Variants in C10orf53 observed in about 807,000 individuals in gnomAD.
The protein encoded by C10orf53 is chromosome 10 open reading frame 53, also known as UPF0728 protein C10orf53.
In C10orf53, 8 loss-of-function variants were observed where a neutral mutation model predicts 9.4. The ratio of observed to expected loss-of-function variants is 0.85; its 90% CI spans 0.50 to 1.53. C10orf53 has a LOEUF of 1.53. Among genes scored for constraint, C10orf53 ranks in the 40% most tolerant of loss-of-function variants. The pLI is 0.00. For synonymous variants in C10orf53, 48 were observed against 46.0 expected, an observed-to-expected ratio of 1.04 and a Z score of -0.18; for missense variants, 117 against 117.8, an observed-to-expected ratio of 0.99 and a Z score of 0.03.
chr10:49,692,493 C>A (rs1840594268), intron 1 of C10orf53, among the ~76,000 whole-genome samples: 1 of 152,210 alleles, frequency 6.6e-6, no homozygotes, highest in Admixed American at 6.5e-5. Flanking sequence ...TAATTAAATG[C>A]AATTAACTGA....
At chr10:49,693,024 A>C (rs556877923) in intron 1 of C10orf53, among the ~76,000 whole-genome samples, 1 of 152,342 alleles carries the variant, frequency 6.6e-6, no homozygotes, top group South Asian at 2.1e-4. Flanking sequence ...CCTTACATAC[A>C]TATTTGAATT....
At chr10:49,701,924 G>A (rs971675440), downstream of C10orf53, among the ~76,000 whole-genome samples, 14 of 152,150 alleles carry the variant, frequency 9.2e-5, no homozygotes, top group African/African-American at 1.4e-4. Context: ...GTGGTTGGCC[G>A]GGCGTGGTGG....
intron 1 of C10orf53, 25 bp downstream of exon 1, chr10:49,679,819 C>G (rs1840462484): frequency 6.6e-7 from 1 of 1,518,458 alleles, no homozygotes; most frequent in African/African-American, 1.4e-5. Context: ...CGCGTGCGCC[C>G]CTGAGGGCCC....
downstream of C10orf53, among the ~76,000 whole-genome samples, chr10:49,698,176 G>A (rs1315329747): frequency 2.0e-5 from 3 of 152,182 alleles, no homozygotes; most frequent in African/African-American, 7.2e-5. Context: ...TGTAGTCCCA[G>A]CTATTTGGTA....
intron 1 of C10orf53, among the ~76,000 whole-genome samples, chr10:49,689,327 T>G (rs1302535489): frequency 6.6e-6 from 1 of 152,118 alleles, no homozygotes; most frequent in Non-Finnish European, 1.5e-5. Flanking sequence ...GGCTCCAAAC[T>G]ATTGAGTAGA....
chr10:49,685,744 C>A (rs193270516), intron 1 of C10orf53, among the ~76,000 whole-genome samples: 1 of 152,268 alleles, frequency 6.6e-6, no homozygotes, highest in East Asian at 1.9e-4. Flanking sequence ...TCATTTCTTT[C>A]TCACTGCTTT....
intron 1 of C10orf53, among the ~76,000 whole-genome samples, chr10:49,684,884 C>T (rs3915809): frequency 0.14 from 20,599 of 152,064 alleles, 1,669 homozygotes; most frequent in African/African-American, 0.21. Context: ...ACTCCTAATA[C>T]TATGTTAAAT....
downstream of C10orf53, among the ~76,000 whole-genome samples, chr10:49,700,639 C>G (rs1198154680): frequency 1.3e-5 from 2 of 152,220 alleles, no homozygotes; most frequent in African/African-American, 2.4e-5. Flanking sequence ...CACAGCACCA[C>G]TGGAGCTGTG....
Position 49,695,805 on chromosome 10 carries a change from C to T in C10orf53, c.*1203C>T, listed in dbSNP as rs1840629422. 1 of 152,198 alleles carries T rather than the reference C, an allele frequency of 6.6e-6. No individual in the cohort carries two copies. Among genetic ancestry groups the T allele is most frequent in the Non-Finnish European group, 1.5e-5 (1 of 68,018 alleles). The allele number at this position is 152,198 out of a possible 1,614,324, so 9.4% of individuals were successfully genotyped here. ...ACTCTATGGAACTATTTAAGCATCTCCTTACTGAGAAACTGAGGCTCAAAA... is the reference window on the plus strand; with the variant it reads ...ACTCTATGGAACTATTTAAGCATCTTCTTACTGAGAAACTGAGGCTCAAAA... On this transcript the variant is annotated 3_prime_UTR_variant, in exon 3 of 3. Coordinates refer to ENST00000374111, the MANE Select transcript of C10orf53 (RefSeq NM_001042427.3).
chr10:49,693,781 G>A lies in C10orf53; in HGVS notation c.105G>A (p.Leu35=). 2 of 1,613,464 alleles carry A rather than the reference G, an allele frequency of 1.2e-6. No individual in the cohort carries two copies. Among genetic ancestry groups the A allele is most frequent in the Non-Finnish European group, 1.7e-6 (2 of 1,179,516 alleles). ...CTTTTCTTTCCTTCCCAGCTGTGTT[G>A]GCCATAGATGGACATGAGGTCATCC... ...TFRLQGLQAV[L]AIDGHEVILE... is the part of the protein sequence containing the mutation. The change falls in exon 2 of 3, where the codon TTG becomes TTA. Residue 35 remains leucine, a synonymous_variant. Transcript: ENST00000374111.
At position 49,697,493 on chromosome 10, in the gene C10orf53, C is replaced by T. The variant is rs1461764630; in HGVS notation, c.*2891C>T. Among the ~76,000 whole-genome samples the T allele has an allele frequency of 3.9e-5, 6 of 152,132 alleles. No individual in the cohort carries two copies. The East Asian group carries it at 5.8e-4, about 15-fold the overall frequency. On this transcript the variant is annotated 3_prime_UTR_variant, in exon 3 of 3. Coordinates refer to ENST00000374111, the MANE Select transcript of C10orf53 (RefSeq NM_001042427.3). ...GTTTTATAAGATGTCAAGTCAATGT[C>T]GTTATGATTAACATGTAAAGAAAGT...
chr10:49,688,657 A>G (rs1455495376), intron 1 of C10orf53, among the ~76,000 whole-genome samples: 2 of 112,428 alleles, frequency 1.8e-5, no homozygotes, highest in Non-Finnish European at 3.5e-5. Flanking sequence ...GCTTCTGCCT[A>G]TCCTCTCCCT....
intron 1 of C10orf53, among the ~76,000 whole-genome samples, chr10:49,688,613 C>T (rs1161724604): frequency 6.9e-6 from 1 of 145,518 alleles, no homozygotes; most frequent in Non-Finnish European, 1.5e-5. Flanking sequence ...CCTTATGGCC[C>T]CCCTGATCTC....
At position 49,694,809 on chromosome 10, in the gene C10orf53, A is replaced by G; in HGVS notation, c.*207A>G. ...CCACAGAAATAATAAAAACCACATC[A>G]TTTATAACATGTCTCAATCTCAACC... On this transcript the variant is annotated 3_prime_UTR_variant, in exon 3 of 3. Transcript: ENST00000374111. 7.2e-7 allele frequency: 1 copy of G among 1,384,844 alleles called. No individual in the cohort carries two copies. The highest frequency in any genetic ancestry group is 9.3e-7 in the Non-Finnish European group (1 of 1,072,032). 85.8% of individuals were successfully genotyped at this position (1,384,844 alleles called of 1,614,324 possible).
chr10:49,708,824 TC>T (rs1276547166), exon 3 of C10orf53: 2 of 683,976 alleles, frequency 2.9e-6, no homozygotes, highest in Admixed American at 3.0e-5. Flanking sequence ...ACAACTGTAT[TC>T]CCGTGTTGAA....
chr10:49,679,713 G>A lies in C10orf53; in HGVS notation c.16G>A (p.Val6Met), dbSNP rs901025591. The change falls in exon 1 of 3, where the codon GTG (valine) becomes ATG (methionine). Residue 6 changes from valine (V) to methionine (M), a missense_variant. Physicochemically the swap from Val to Met is conservative, Grantham distance 21 (BLOSUM62 1). Coordinates refer to ENST00000374111, the MANE Select transcript of C10orf53 (RefSeq NM_001042427.3). MPKNAVVILRYGPYSA... is the reference protein window; with the variant it reads MPKNAMVILRYGPYSA... ...AGGCCTGGCGATGCCCAAGAACGCA[G>A]TGGTCATCCTGCGCTATGGGCCCTA... The A allele has an allele frequency of 2.6e-6, 4 of 1,548,066 alleles. No homozygotes were observed. Among genetic ancestry groups the A allele is most frequent in the Non-Finnish European group, 3.5e-6 (4 of 1,145,894 alleles).
At position 49,708,500 on chromosome 10, in the gene C10orf53, AT is replaced by A; in HGVS notation, c.359del (p.Leu120TrpfsTer30). The A allele has an allele frequency of 6.2e-7, 1 of 1,614,166 alleles. No homozygotes were observed. The highest frequency in any genetic ancestry group is 8.5e-7 in the Non-Finnish European group (1 of 1,180,028). On this transcript the variant is annotated frameshift_variant, in exon 3 of 3. Coordinates refer to the C10orf53 transcript ENST00000374112. LOFTEE classifies it low-confidence loss of function (END_TRUNC). ...AGACCCAGGACCTGACTTGTACTGT[AT>A]TGGCCCAGATTGGATCATGTATCCA...
rs1358646958 is a variant in C10orf53, at chr10:49,683,672, C to A, written c.97+3878C>A. On this transcript the variant is annotated intron_variant, in intron 1 of 2. Transcript: ENST00000374111. ...GGTGGATCACTTGAACCCAGGAGTT[C>A]AAGACCAGCCTGGTTTGAAGTTCAA... 2.6e-5 allele frequency among the ~76,000 whole-genome samples: 4 copies of A among 152,074 alleles called. No homozygotes were observed. The East Asian group carries it at 7.7e-4, about 29-fold the overall frequency.
chr10:49,703,122 A>G (rs185227506), intron 2 of C10orf53, among the ~76,000 whole-genome samples: 1 of 152,112 alleles, frequency 6.6e-6, no homozygotes, highest in East Asian at 1.9e-4. Context: ...CAAGCTCAAC[A>G]AGGTCTTCTT....
Sources: allele counts gnomAD v4.1 joint callset (sites outside exome capture counted in the v4.1 genomes callset), GRCh38; gene constraint gnomAD v4.1.1; transcripts MANE v1.5; gene names NCBI Gene and HGNC (gene_info 2026-07-23, HGNC 2026-07-21).